Variants in PRKCI observed in about 807,000 individuals in gnomAD.
PRKCI encodes the protein protein kinase C iota.
Under a neutral mutation model 84.0 loss-of-function variants are expected in PRKCI, and 43 were observed. That is an observed-to-expected ratio of 0.51 (90% CI 0.40 to 0.66). The LOEUF (loss-of-function observed/expected upper bound fraction) is 0.66, where lower values mean the gene tolerates loss of function less well. PRKCI is among the 30% of genes least tolerant of loss of function. The pLI is 0.00. For synonymous variants in PRKCI, 216 were observed against 234.4 expected (o/e 0.92, Z 0.72); for missense variants, 459 against 745.6 (o/e 0.62, Z 4.48).
At chr3:170,271,126 T>C (rs772610629) in intron 6 of PRKCI, among the ~76,000 whole-genome samples, 1 of 152,172 alleles carries the variant, frequency 6.6e-6, no homozygotes, top group Non-Finnish European at 1.5e-5. Flanking sequence ...TGTCATTTGG[T>C]GGATATCCTT....
At chr3:170,293,207 A>G in intron 13 of PRKCI, 176 bp from the exon 14 acceptor site, 1 of 504,016 alleles carries the variant, frequency 2.0e-6, no homozygotes, top group East Asian at 3.3e-5. Flanking sequence ...TTAGGTACCT[A>G]CCCTTGTTGA....
chr3:170,277,445 A>G (rs1009818111), intron 8 of PRKCI, among the ~76,000 whole-genome samples: 89 of 152,272 alleles, frequency 5.8e-4, no homozygotes, highest in Non-Finnish European at 1.1e-3. Flanking sequence ...GATGGCTCAC[A>G]CATGTAATCC....
chr3:170,286,830 A>G (rs557713686), intron 12 of PRKCI, among the ~76,000 whole-genome samples: 3 of 149,362 alleles, frequency 2.0e-5, no homozygotes, highest in East Asian at 3.9e-4. Context: ...TTTTTTAAAT[A>G]GAGACGAGGT....
At chr3:170,293,020 G>A (rs1432266646) in intron 13 of PRKCI, among the ~76,000 whole-genome samples, 1 of 142,580 alleles carries the variant, frequency 7.0e-6, no homozygotes. Flanking sequence ...CAGCCTGGGC[G>A]ACAGAGTGAG....
At position 170,293,589 on chromosome 3, in the gene PRKCI, T is replaced by G. The variant is rs1734621918; in HGVS notation, c.1417+81T>G. On this transcript the variant is annotated intron_variant, in intron 14 of 17. Transcript: ENST00000295797. ...ATGAGAGTGATTCAGGTTACTACTTTGAGTAAGAAAAATGAGCATAATCTG... is the reference window on the plus strand; with the variant it reads ...ATGAGAGTGATTCAGGTTACTACTTGGAGTAAGAAAAATGAGCATAATCTG... 14 of 1,424,354 alleles carry G rather than the reference T, an allele frequency of 9.8e-6. No homozygotes were observed. In the South Asian group the frequency reaches 1.3e-4, roughly 13 times the overall value. 88.2% of individuals were successfully genotyped at this position (1,424,354 alleles called of 1,614,324 possible).
At chr3:170,289,136 C>T (rs1281782645) in intron 12 of PRKCI, among the ~76,000 whole-genome samples, 1 of 152,138 alleles carries the variant, frequency 6.6e-6, no homozygotes, top group Non-Finnish European at 1.5e-5. Flanking sequence ...AATGATTAAG[C>T]ATAGCTGTTA....
intron 2 of PRKCI, among the ~76,000 whole-genome samples, chr3:170,250,017 C>T (rs13099424): frequency 6.6e-6 from 1 of 152,038 alleles, no homozygotes; most frequent in East Asian, 1.9e-4. Flanking sequence ...GGCTCACACC[C>T]ATAATCCCAG....
At chr3:170,290,609 A>G (rs1734527671) in intron 12 of PRKCI, among the ~76,000 whole-genome samples, 1 of 152,014 alleles carries the variant, frequency 6.6e-6, no homozygotes, top group South Asian at 2.1e-4. Context: ...TGTGTGATCT[A>G]TCATTTTCTA....
intron 2 of PRKCI, among the ~76,000 whole-genome samples, chr3:170,241,411 T>A (rs1455999536): frequency 1.3e-5 from 2 of 152,160 alleles, no homozygotes; most frequent in East Asian, 3.8e-4. Flanking sequence ...ATTCCATATA[T>A]CATGTGGTGT....
intron 14 of PRKCI, among the ~76,000 whole-genome samples, chr3:170,294,347 T>C (rs1734643656): frequency 6.6e-6 from 1 of 152,226 alleles, no homozygotes; most frequent in Non-Finnish European, 1.5e-5. Flanking sequence ...TATAAAATTC[T>C]ACATTTAATA....
chr3:170,282,162 C>A (rs1196439845), intron 11 of PRKCI, among the ~76,000 whole-genome samples, 194 bp downstream of exon 11: 1 of 152,092 alleles, frequency 6.6e-6, no homozygotes, highest in African/African-American at 2.4e-5. Context: ...TACATTTATA[C>A]ACATACATGT....
chr3:170,297,462 C>T (rs1577377574), intron 16 of PRKCI, 69 bp downstream of exon 16: 3 of 1,304,560 alleles, frequency 2.3e-6, no homozygotes, highest in East Asian at 5.0e-5. Context: ...TGTTGTTGTT[C>T]TGTTTGTTTT....
At chr3:170,281,824 C>G in intron 10 of PRKCI, 58 bp from the exon 11 acceptor site, 1 of 1,516,194 alleles carries the variant, frequency 6.6e-7, no homozygotes, top group Non-Finnish European at 8.8e-7. Context: ...TCTGAAAATG[C>G]AAAGTTACAC....
intron 2 of PRKCI, among the ~76,000 whole-genome samples, chr3:170,247,552 GA>G (rs1733317213): frequency 6.6e-6 from 1 of 151,514 alleles, no homozygotes; most frequent in African/African-American, 2.4e-5. Context: ...CCAACATGGA[GA>G]AATGCCGTCT....
intron 2 of PRKCI, among the ~76,000 whole-genome samples, chr3:170,254,793 T>G (rs1733541499): frequency 6.6e-6 from 1 of 152,188 alleles, no homozygotes; most frequent in South Asian, 2.1e-4. Context: ...TCAGGCTAGC[T>G]TTGGCCATTC....
chr3:170,264,826 A>T (rs1733818434), intron 4 of PRKCI, among the ~76,000 whole-genome samples: 1 of 152,186 alleles, frequency 6.6e-6, no homozygotes, highest in African/African-American at 2.4e-5. Flanking sequence ...TTTGTATTTT[A>T]AAATGGACTC....
rs546779893 is a variant in PRKCI, at chr3:170,225,892, A to G, written c.101+3122A>G. 3.3e-5 allele frequency among the ~76,000 whole-genome samples: 5 copies of G among 151,622 alleles called. No individual in the cohort carries two copies. The South Asian group carries it at 1.0e-3, about 32-fold the overall frequency. On this transcript the variant is annotated intron_variant, in intron 1 of 17. Transcript: ENST00000295797. ...ATCTAATAACATTTAATTTTTTTCTAATTTTTATTTTATTTTATTTTATTT... is the reference window on the plus strand; with the variant it reads ...ATCTAATAACATTTAATTTTTTTCTGATTTTTATTTTATTTTATTTTATTT...
At chr3:170,290,623 T>C (rs1322652707) in intron 12 of PRKCI, among the ~76,000 whole-genome samples, 1 of 152,196 alleles carries the variant, frequency 6.6e-6, no homozygotes, top group Admixed American at 6.6e-5. Flanking sequence ...TTTTCTAATA[T>C]AGATTATTCT....
At chr3:170,250,164 T>G (rs563680547) in intron 2 of PRKCI, among the ~76,000 whole-genome samples, 1 of 151,488 alleles carries the variant, frequency 6.6e-6, no homozygotes, top group African/African-American at 2.4e-5. Context: ...TCCCAGCTAC[T>G]AGGGAGGTTG....
Sources: allele counts gnomAD v4.1 joint callset (sites outside exome capture counted in the v4.1 genomes callset), GRCh38; gene constraint gnomAD v4.1.1; transcripts MANE v1.5; gene names NCBI Gene and HGNC (gene_info 2026-07-23, HGNC 2026-07-21).